Variants in SLC16A5 observed in about 807,000 individuals in gnomAD.
SLC16A5 encodes the protein monocarboxylate transporter 6.
In SLC16A5, 29 loss-of-function variants were observed where a neutral mutation model predicts 33.2. The ratio of observed to expected loss-of-function variants is 0.87; its 90% CI spans 0.65 to 1.19. The LOEUF is 1.19. Among genes scored for constraint, SLC16A5 ranks in the 50% most tolerant of loss-of-function variants. The probability of loss-of-function intolerance (pLI) is 0.00; values close to 1 mark genes in which losing one functional copy is unlikely to be tolerated. For missense variants in SLC16A5, 606 were observed against 678.2 expected, an observed-to-expected ratio of 0.89 and a Z score of 1.18; for synonymous variants, 248 against 284.1, an observed-to-expected ratio of 0.87 and a Z score of 1.28.
At chr17:75,092,242 G>C (rs1309090202) in intron 2 of SLC16A5, among the ~76,000 whole-genome samples, 2 of 151,984 alleles carry the variant, frequency 1.3e-5, no homozygotes, top group African/African-American at 4.8e-5. Context: ...TCGTATGTTT[G>C]CATTGTGTGT....
chr17:75,104,150 G>A lies in SLC16A5; in HGVS notation c.1334G>A (p.Gly445Asp). ...ERDLFLEAKD[G>D]PGKQRSPEIM... ...GATCTTTTCTTGGAAGCCAAAGACG[G>A]TCCTGGGAAGCAACGGTCCCCTGAG... Residue 445 changes from glycine (G) to aspartate (D), a missense_variant, in exon 6 of 7, where the codon GGT becomes GAT. Transcript: ENST00000329783. 6.2e-7 allele frequency: 1 copy of A among 1,614,172 alleles called. No homozygotes were observed. The highest frequency in any genetic ancestry group is 1.1e-5 in the South Asian group (1 of 91,086).
chr17:75,089,755 G>GAAAAAAAAAAAA (rs58540678), intron 2 of SLC16A5: 1 of 88,874 alleles, frequency 1.1e-5, no homozygotes, highest in Admixed American at 1.3e-4. Context: ...CTTCATCTCA[G>GAAAAAAAAAAAA]AAAAAAAAAA....
rs2073832597 is a variant in SLC16A5, at chr17:75,104,058, C to T, written c.1242C>T (p.Gly414=). ...TCTCAGCTGCCCTCTTCATGGGTGG[C>T]AGCTTCTACGCCCTGCAGAAGAAGG... is the stretch of plus-strand genomic sequence containing the variant. ...FLISAALFMG[G]SFYALQKKEQ... Residue 414 remains glycine (G), a synonymous_variant, in exon 6 of 7, where the codon GGC becomes GGT. Coordinates refer to ENST00000329783, the MANE Select transcript of SLC16A5 (RefSeq NM_004695.4). 5.6e-6 allele frequency: 9 copies of T among 1,614,214 alleles called. No homozygotes were observed. The highest frequency in any genetic ancestry group is 7.6e-6 in the Non-Finnish European group (9 of 1,180,040).
intron 6 of SLC16A5, chr17:75,105,472 T>C (rs1344985904): frequency 3.0e-6 from 3 of 985,306 alleles, no homozygotes; most frequent in Admixed American, 6.2e-5. Context: ...TGCCGTGTTA[T>C]TGGTGTCAAC....
At chr17:75,091,645 G>T (rs1010355901) in intron 2 of SLC16A5, among the ~76,000 whole-genome samples, 1 of 152,224 alleles carries the variant, frequency 6.6e-6, no homozygotes, top group African/African-American at 2.4e-5. Context: ...GCAGTGGGGT[G>T]CTGGGCTTGG....
chr17:75,098,257 G>T (rs1314885943), intron 4 of SLC16A5, 76 bp downstream of exon 4: 1 of 1,578,030 alleles, frequency 6.3e-7, no homozygotes, highest in Non-Finnish European at 8.6e-7. Flanking sequence ...GGGCAGGCAG[G>T]CCTCTTAATC....
rs532755419 is a variant in SLC16A5 at position 75,091,257 on chromosome 17, G to A, written c.-49+1953G>A. On this transcript the variant is annotated intron_variant, in intron 2 of 6. Coordinates refer to ENST00000329783, the MANE Select transcript of SLC16A5 (RefSeq NM_004695.4). ...GGAGCAGGGCTGGAACCTTGACATC[G>A]GGGCAACACAGAGGATCAGGTGGCG... Among the ~76,000 whole-genome samples, 9 of 152,338 alleles carry A rather than the reference G, an allele frequency of 5.9e-5. No individual in the cohort carries two copies. The South Asian group carries it at 1.0e-3, about 18-fold the overall frequency.
chr17:75,098,588 C>T (rs915051976), intron 4 of SLC16A5, among the ~76,000 whole-genome samples: 3 of 152,088 alleles, frequency 2.0e-5, no homozygotes, highest in African/African-American at 7.2e-5. Context: ...GCTGGGATTA[C>T]AGGTGTGAGC....
intron 5 of SLC16A5, among the ~76,000 whole-genome samples, chr17:75,103,558 G>A (rs553375472): frequency 6.6e-6 from 1 of 151,904 alleles, no homozygotes; most frequent in South Asian, 2.1e-4. Flanking sequence ...TTGAACTCCT[G>A]ACCTTGTGAT....
intron 3 of SLC16A5, 76 bp downstream of exon 3, chr17:75,093,911 T>G (rs1598147317): frequency 1.3e-6 from 2 of 1,540,962 alleles, no homozygotes; most frequent in East Asian, 4.5e-5. Context: ...GGCCTTCTGA[T>G]TCCCTCTCTC....
chr17:75,109,670 G>A (rs1289654854), downstream of SLC16A5, among the ~76,000 whole-genome samples: 2 of 152,240 alleles, frequency 1.3e-5, no homozygotes, highest in Non-Finnish European at 2.9e-5. The surrounding 1 kb of genome is among the most constrained non-coding windows in gnomAD (Gnocchi z 5.0). Flanking sequence ...CGGGAAAGCC[G>A]AGCGAGGCCC....
intron 5 of SLC16A5, among the ~76,000 whole-genome samples, chr17:75,103,199 T>G (rs1338676067): frequency 6.6e-6 from 1 of 152,070 alleles, no homozygotes; most frequent in Non-Finnish European, 1.5e-5. Context: ...TTAGTTTTTG[T>G]ATTTTTAGTG....
chr17:75,092,262 T>C (rs1266060817), intron 2 of SLC16A5, among the ~76,000 whole-genome samples: 1 of 152,042 alleles, frequency 6.6e-6, no homozygotes, highest in Non-Finnish European at 1.5e-5. Flanking sequence ...TGACGGTACA[T>C]ATCTCTGTGT....
intron 5 of SLC16A5, among the ~76,000 whole-genome samples, chr17:75,102,513 CG>C (rs67198600): frequency 0.085 from 12,927 of 152,158 alleles, 755 homozygotes; most frequent in African/African-American, 0.17. Context: ...ATTTATGATG[CG>C]AGGGAAACCA....
At chr17:75,093,303 C>A in intron 2 of SLC16A5, 1 of 970,192 alleles carries the variant, frequency 1.0e-6, no homozygotes, top group Non-Finnish European at 1.5e-6. Context: ...AATTGTACCC[C>A]ATTGCCTGGT....
chr17:75,100,901 A>G, intron 5 of SLC16A5, 85 bp downstream of exon 5: 1 of 1,306,742 alleles, frequency 7.7e-7, no homozygotes, highest in South Asian at 1.5e-5. Context: ...CAGCATCTCC[A>G]GAGGTTGTGC....
At chr17:75,100,907 T>C in intron 5 of SLC16A5, 91 bp downstream of exon 5, 2 of 1,275,478 alleles carry the variant, frequency 1.6e-6, no homozygotes, top group Non-Finnish European at 2.1e-6. Context: ...CTCCAGAGGT[T>C]GTGCTACAGC....
rs1043946532 is a variant in SLC16A5, at chr17:75,099,913, G to C, written c.344-94G>C. 2.6e-6 allele frequency: 3 copies of C among 1,157,920 alleles called. No individual in the cohort carries two copies. The African/African-American group carries it at 4.6e-5, about 18-fold the overall frequency. 71.7% of individuals were successfully genotyped at this position (1,157,920 alleles called of 1,614,324 possible). Reference sequence around the variant, plus strand: ...CTGGGTATGGACTAGAACCAGAGGAGGGCAGGTGTGTGAAATGACCACTGA... The same window carrying C: ...CTGGGTATGGACTAGAACCAGAGGACGGCAGGTGTGTGAAATGACCACTGA... On this transcript the variant is annotated intron_variant, in intron 4 of 6. Transcript: ENST00000329783.
At chr17:75,097,438 G>A (rs1204313124) in intron 3 of SLC16A5, among the ~76,000 whole-genome samples, 2 of 151,822 alleles carry the variant, frequency 1.3e-5, no homozygotes, top group African/African-American at 4.8e-5. Flanking sequence ...TGGAGGTGGT[G>A]TGGGAGGGGA....
Sources: gnomAD v4.1 joint callset for allele counts (sites outside exome capture counted in the v4.1 genomes callset) on GRCh38, gnomAD v4.1.1 for gene constraint, Gnocchi (gnomAD v3.1) non-coding constraint, MANE v1.5 for transcripts, NCBI Gene and HGNC (gene_info 2026-07-23, HGNC 2026-07-21) for gene names.